The following RASSF5 variants were observed in gnomAD, a reference collection of about 807,000 sequenced individuals.
The protein encoded by RASSF5 is ras association domain-containing protein 5.
RASSF5 carries 25 observed loss-of-function variants against 40.5 expected under a neutral mutation model. That is an observed-to-expected ratio of 0.62 (90% CI 0.45 to 0.86). The LOEUF is 0.86. Among genes scored for constraint, RASSF5 ranks in the 40% least tolerant of loss-of-function variants. The pLI is 0.00. For missense variants in RASSF5, 521 were observed against 572.8 expected (o/e 0.91, Z 0.92); for synonymous variants, 246 against 252.4 (o/e 0.97, Z 0.24).
rs1669271693 is a variant in RASSF5 at position 206,589,440 on chromosome 1, T to C, written c.*2462T>C. The C allele has an allele frequency of 6.6e-6, 1 of 152,068 alleles. No individual in the cohort carries two copies. Among genetic ancestry groups the C allele is most frequent in the Non-Finnish European group, 1.5e-5 (1 of 67,990 alleles). 9.4% of individuals were successfully genotyped at this position (152,068 alleles called of 1,614,324 possible). A position where few individuals can be genotyped will look rare whatever the true frequency, so the allele number is the denominator to read the frequency against. On this transcript the variant is annotated 3_prime_UTR_variant, in exon 6 of 6. Transcript: ENST00000579436. Reference sequence around the variant, plus strand: ...TACTGTTCAAATAATTTGGGAAAAATTGTCCAAATGCGTAGGCGGGAGGGC... The same window carrying C: ...TACTGTTCAAATAATTTGGGAAAAACTGTCCAAATGCGTAGGCGGGAGGGC...
At chr1:206,553,102 A>T (rs782065474) in intron 2 of RASSF5, among the ~76,000 whole-genome samples, 5 of 152,076 alleles carry the variant, frequency 3.3e-5, no homozygotes, top group African/African-American at 4.8e-5. Context: ...CTCAGGAGGC[A>T]GAGGCAGGAG....
chr1:206,551,512 T>C (rs910080892), intron 2 of RASSF5, among the ~76,000 whole-genome samples: 2 of 152,204 alleles, frequency 1.3e-5, no homozygotes, highest in Non-Finnish European at 2.9e-5. Flanking sequence ...GTGATTCCTT[T>C]GCACTGGACA....
intron 2 of RASSF5, among the ~76,000 whole-genome samples, chr1:206,562,223 A>G (rs560526977): frequency 2.0e-5 from 3 of 152,136 alleles, no homozygotes; most frequent in Non-Finnish European, 4.4e-5. Context: ...AGCCAACCCC[A>G]CAGCCCTGGG....
At position 206,560,419 on chromosome 1, in the gene RASSF5, C is replaced by T. The variant is rs1465754961; in HGVS notation, c.579+22126C>T. On this transcript the variant is annotated intron_variant, in intron 2 of 5. Transcript: ENST00000579436. The surrounding 1 kb of genome is among the most constrained non-coding windows in gnomAD (Gnocchi z 5.1). ...TCATAGGAAGGGGGTGCCTAAAGGT[C>T]AGGAGACAGCAAGGGAGATGGGGGC... is the stretch of plus-strand genomic sequence containing the variant. 2.0e-5 allele frequency among the ~76,000 whole-genome samples: 3 copies of T among 152,214 alleles called. No individual in the cohort carries two copies. Among genetic ancestry groups the T allele is most frequent in the African/African-American group, 7.2e-5 (3 of 41,450 alleles).
At chr1:206,564,184 A>T (rs941205631) in intron 2 of RASSF5, among the ~76,000 whole-genome samples, 10 of 151,984 alleles carry the variant, frequency 6.6e-5, no homozygotes, top group East Asian at 5.8e-4. Context: ...CTAGTTTCTC[A>T]TGGGCCTGGT....
intron 2 of RASSF5, among the ~76,000 whole-genome samples, chr1:206,566,066 C>CA (rs2103546731): frequency 6.6e-6 from 1 of 152,318 alleles, no homozygotes; most frequent in Non-Finnish European, 1.5e-5. Context: ...AGGGAGGCAG[C>CA]AGAGTGTTCA....
rs114585230 is a variant in RASSF5 at position 206,565,440 on chromosome 1, G to A, written c.580-17829G>A. 4.9e-3 allele frequency among the ~76,000 whole-genome samples: 750 copies of A among 152,238 alleles called. 5 individuals are homozygous for A. Among genetic ancestry groups the A allele is most frequent in the African/African-American group, 0.017 (708 of 41,526 alleles). Reference sequence around the variant, plus strand: ...CTTGGTTCTCCCTCTTTAGTACAGCGTCCAAACTCTGCAGCACCTGGCCTC... The same window carrying A: ...CTTGGTTCTCCCTCTTTAGTACAGCATCCAAACTCTGCAGCACCTGGCCTC... On this transcript the variant is annotated intron_variant, in intron 2 of 5. Coordinates refer to ENST00000579436, the MANE Select transcript of RASSF5 (RefSeq NM_182663.4).
At chr1:206,581,622 C>G (rs12127695) in intron 2 of RASSF5, among the ~76,000 whole-genome samples, 41 of 147,040 alleles carry the variant, frequency 2.8e-4, no homozygotes, top group African/African-American at 8.8e-4. Flanking sequence ...GAGAGAGAGA[C>G]AGAGAGAGAG....
intron 2 of RASSF5, among the ~76,000 whole-genome samples, chr1:206,570,660 T>C (rs1258480893): frequency 6.7e-6 from 1 of 150,174 alleles, no homozygotes; most frequent in Non-Finnish European, 1.5e-5. Context: ...GTATTAATCC[T>C]TTTGTGACTG....
intron 2 of RASSF5, among the ~76,000 whole-genome samples, chr1:206,548,751 AC>A (rs1420871509): frequency 4.0e-5 from 6 of 151,758 alleles, no homozygotes; most frequent in African/African-American, 4.8e-5. Flanking sequence ...ATATTTTCAT[AC>A]CCCCCCACTC....
chr1:206,577,269 G>A (rs1413954839), intron 2 of RASSF5, among the ~76,000 whole-genome samples: 1 of 152,178 alleles, frequency 6.6e-6, no homozygotes, highest in Non-Finnish European at 1.5e-5. Context: ...CTGGTGCAGA[G>A]AAAGGAATTA....
intron 2 of RASSF5, among the ~76,000 whole-genome samples, chr1:206,558,852 G>C (rs1292955327): frequency 1.3e-5 from 2 of 152,178 alleles, no homozygotes; most frequent in African/African-American, 4.8e-5. Context: ...CAGAGGGTGA[G>C]GGGCAAAGGG....
chr1:206,537,387 G>A (rs1331192118), intron 1 of RASSF5, among the ~76,000 whole-genome samples: 5 of 152,164 alleles, frequency 3.3e-5, no homozygotes, highest in East Asian at 1.9e-4. Context: ...AGCCTAGGCC[G>A]GGTCAGAGAG....
At chr1:206,551,152 T>G (rs1667828822) in intron 2 of RASSF5, among the ~76,000 whole-genome samples, 2 of 152,202 alleles carry the variant, frequency 1.3e-5, no homozygotes, top group Non-Finnish European at 2.9e-5. Flanking sequence ...TCTTTCCTGG[T>G]AGATGTGAGG....
chr1:206,562,852 G>T (rs1011593468), intron 2 of RASSF5, among the ~76,000 whole-genome samples: 2 of 152,008 alleles, frequency 1.3e-5, no homozygotes, highest in Non-Finnish European at 2.9e-5. Flanking sequence ...AACCCGGGAG[G>T]CGGAGCTTGC....
At chr1:206,528,260 A>T (rs1473848149) in intron 1 of RASSF5, among the ~76,000 whole-genome samples, 2 of 152,176 alleles carry the variant, frequency 1.3e-5, no homozygotes, top group African/African-American at 2.4e-5. Flanking sequence ...AAAGACAGGG[A>T]GATAATACTA....
intron 1 of RASSF5, among the ~76,000 whole-genome samples, chr1:206,509,374 T>G (rs1271114556): frequency 6.6e-6 from 1 of 152,220 alleles, no homozygotes; most frequent in Non-Finnish European, 1.5e-5. Context: ...TGGGTGCTGC[T>G]CTTTCCTCCA....
At position 206,539,483 on chromosome 1, in the gene RASSF5, C is replaced by T. The variant is rs115518704; in HGVS notation, c.579+1190C>T. ...CTAATTCACCATGGGTGTTACCAGC[C>T]TCCCAGCTGTTCCCTCACGCCTTTC... On this transcript the variant is annotated intron_variant, in intron 2 of 5. Transcript: ENST00000579436. Among the ~76,000 whole-genome samples the T allele has an allele frequency of 1.6e-3, 241 of 152,346 alleles. 1 individual carries two copies. The highest frequency in any genetic ancestry group is 5.7e-3 in the African/African-American group (235 of 41,578).
chr1:206,552,853 G>T lies in RASSF5; in HGVS notation c.579+14560G>T, dbSNP rs1271753761. On this transcript the variant is annotated intron_variant, in intron 2 of 5. Transcript: ENST00000579436. This position sits in a 1 kb window ranked among gnomAD's most constrained non-coding sequence, Gnocchi z 4.1. ...AGACTGTATATTATTAGAAGGTAGGGACTGTGTCTTATTCATGCCCAAACT... is the reference window on the plus strand; with the variant it reads ...AGACTGTATATTATTAGAAGGTAGGTACTGTGTCTTATTCATGCCCAAACT... 6.6e-6 allele frequency among the ~76,000 whole-genome samples: 1 copy of T among 152,134 alleles called. No homozygotes were observed. Among genetic ancestry groups the T allele is most frequent in the Non-Finnish European group, 1.5e-5 (1 of 68,032 alleles).
Sources: gnomAD v4.1 joint callset for allele counts (sites outside exome capture counted in the v4.1 genomes callset) on GRCh38, gnomAD v4.1.1 for gene constraint, Gnocchi (gnomAD v3.1) non-coding constraint, MANE v1.5 for transcripts, NCBI Gene and HGNC (gene_info 2026-07-23, HGNC 2026-07-21) for gene names.